TMEM244: variants seen among roughly 807,000 people sequenced by gnomAD.
TMEM244 encodes transmembrane protein 244, also known as putative transmembrane protein 244.
Under a neutral mutation model 15.8 loss-of-function variants are expected in TMEM244, and 13 were observed. The observed-to-expected ratio is 0.82, with a 90% CI of 0.53 to 1.30. The LOEUF is 1.30. TMEM244 is among the 50% of genes most tolerant of loss of function. The pLI is 0.00. For synonymous variants in TMEM244, 45 were observed against 48.7 expected (o/e 0.92, Z 0.32); for missense variants, 161 against 144.9 (o/e 1.11, Z -0.57).
At chr6:129,853,095 T>C (rs1157228071) in intron 1 of TMEM244, among the ~76,000 whole-genome samples, 2 of 152,192 alleles carry the variant, frequency 1.3e-5, no homozygotes, top group Non-Finnish European at 2.9e-5. Flanking sequence ...TCACCTCCAA[T>C]GGAGGAACTG....
Position 129,833,484 on chromosome 6 carries a change from GA to G in TMEM244, c.294del (p.Leu99PhefsTer15), listed in dbSNP as rs1403347155. On this transcript the variant is annotated frameshift_variant, in exon 4 of 5. Coordinates refer to ENST00000368143, the MANE Select transcript of TMEM244 (RefSeq NM_001010876.2). LOFTEE classifies it high-confidence loss of function. ...CCAGTTGAAGTGATGGCAACATGAA[GA>G]ATAGTGACTGAAATAGCATAATCCC... ...WVWDYAISVT[I>X]LHVAITSTVM... 1.2e-6 allele frequency: 2 copies of G among 1,612,650 alleles called. No individual in the cohort carries two copies. Among genetic ancestry groups the G allele is most frequent in the South Asian group, 1.1e-5 (1 of 90,824 alleles).
chr6:129,835,904 C>T (rs1020110543), intron 3 of TMEM244, among the ~76,000 whole-genome samples: 4 of 152,110 alleles, frequency 2.6e-5, no homozygotes, highest in Non-Finnish European at 4.4e-5. Flanking sequence ...AACAAAGAGG[C>T]CTGGAAGCAC....
chr6:129,853,520 TG>T (rs1164795577), intron 1 of TMEM244, among the ~76,000 whole-genome samples: 3 of 152,242 alleles, frequency 2.0e-5, no homozygotes, highest in East Asian at 3.9e-4. Context: ...GTCTGCAAAT[TG>T]TGCACATTTA....
chr6:129,854,719 T>G (rs1317382081), intron 1 of TMEM244, among the ~76,000 whole-genome samples: 1 of 152,170 alleles, frequency 6.6e-6, no homozygotes, highest in East Asian at 1.9e-4. Flanking sequence ...GTGGTTCTGA[T>G]TACAGCTGGT....
At position 129,831,340 on chromosome 6, in the gene TMEM244, A is replaced by T. The variant is rs780667831; in HGVS notation, c.366T>A (p.Gly122=). ...PLTSHWWAAL[G]ISKLLV is the part of the protein sequence containing the mutation. ...GAATCTAAACAAGCAATTTTGATAT[A>T]CCTAAAGCAGCCCACCAATGTGATG... is the stretch of plus-strand genomic sequence containing the variant. The change falls in exon 5 of 5, where the codon GGT becomes GGA. Residue 122 remains glycine (G), a synonymous_variant. Transcript: ENST00000368143. 244 of 1,570,488 alleles carry T rather than the reference A, an allele frequency of 1.6e-4. 1 individual carries two copies. Among genetic ancestry groups the T allele is most frequent in the Non-Finnish European group, 2.0e-4 (229 of 1,139,334 alleles).
At chr6:129,853,412 A>G (rs1278623281) in intron 1 of TMEM244, among the ~76,000 whole-genome samples, 1 of 152,106 alleles carries the variant, frequency 6.6e-6, no homozygotes, top group Non-Finnish European at 1.5e-5. Context: ...TCCGTATAAT[A>G]TTCAAACACA....
intron 3 of TMEM244, among the ~76,000 whole-genome samples, chr6:129,837,783 T>C (rs1401268221): frequency 1.3e-5 from 2 of 152,176 alleles, no homozygotes; most frequent in Non-Finnish European, 2.9e-5. Context: ...TAGTCTCTGA[T>C]ACAACAGACT....
intron 4 of TMEM244, among the ~76,000 whole-genome samples, chr6:129,832,343 C>T (rs762421165): frequency 2.4e-4 from 37 of 152,086 alleles, no homozygotes; most frequent in Non-Finnish European, 4.6e-4. Flanking sequence ...GGTGATCTGC[C>T]CACCTCAGCC....
At chr6:129,837,975 A>C (rs1776433395) in intron 3 of TMEM244, among the ~76,000 whole-genome samples, 1 of 152,258 alleles carries the variant, frequency 6.6e-6, no homozygotes, top group African/African-American at 2.4e-5. Context: ...TAATAATGGT[A>C]GACTTTAACA....
intron 1 of TMEM244, among the ~76,000 whole-genome samples, chr6:129,849,886 T>C (rs1365471400): frequency 2.0e-5 from 3 of 152,212 alleles, no homozygotes; most frequent in Non-Finnish European, 2.9e-5. Flanking sequence ...TGTGTATGTG[T>C]GCCTCCGTGC....
intron 4 of TMEM244, 111 bp downstream of exon 4, chr6:129,833,349 C>T: frequency 8.3e-7 from 1 of 1,203,498 alleles, no homozygotes. Context: ...TTTTTATCAT[C>T]TAGCTATCAT....
In TMEM244 at chr6:129,845,795, A is replaced by T. The variant is rs749003577; in HGVS notation, c.91T>A (p.Ser31Thr). The T allele has an allele frequency of 1.2e-6, 2 of 1,613,052 alleles. No homozygotes were observed. The highest frequency in any genetic ancestry group is 3.3e-5 in the Admixed American group (2 of 59,754). Reference protein sequence around the residue: ...VILFYTVYYVSLSMGCVMFEV... With the variant: ...VILFYTVYYVTLSMGCVMFEV... ...AACATCACGCAGCCCATGCTCAGGGACACATAGTACACAGTGTAGAAAAGA... is the reference window on the plus strand; with the variant it reads ...AACATCACGCAGCCCATGCTCAGGGTCACATAGTACACAGTGTAGAAAAGA... Residue 31 changes from serine (S) to threonine (T), a missense_variant, in exon 2 of 5, where the codon TCC becomes ACC. By Grantham distance (58) the Ser-to-Thr change is moderately conservative. Transcript: ENST00000368143.
At chr6:129,841,008 CTG>C (rs1776481781) in intron 3 of TMEM244, among the ~76,000 whole-genome samples, 1 of 152,198 alleles carries the variant, frequency 6.6e-6, no homozygotes, top group South Asian at 2.1e-4. Context: ...TTGCGGAAGA[CTG>C]TGTGGCGATC....
rs776782675 is a variant in TMEM244 at position 129,843,623 on chromosome 6, A to G, written c.120-20T>C. 4.2e-5 allele frequency: 67 copies of G among 1,578,418 alleles called. No homozygotes were observed. The highest frequency in any genetic ancestry group is 5.5e-5 in the Non-Finnish European group (63 of 1,150,572). ...TGCACCCTAAAGATGTTATAAGTGAAAACAGTTTACTCTGAATGAGGCAGT... is the reference window on the plus strand; with the variant it reads ...TGCACCCTAAAGATGTTATAAGTGAGAACAGTTTACTCTGAATGAGGCAGT... On this transcript the variant is annotated intron_variant, in intron 2 of 4. Transcript: ENST00000368143.
chr6:129,856,111 T>C (rs946765795), intron 1 of TMEM244, among the ~76,000 whole-genome samples: 2 of 152,146 alleles, frequency 1.3e-5, no homozygotes, highest in Non-Finnish European at 2.9e-5. Context: ...CTATGGTCTT[T>C]TTTATTTTCT....
intron 3 of TMEM244, among the ~76,000 whole-genome samples, chr6:129,834,936 T>C (rs184824660): frequency 6.6e-6 from 1 of 152,352 alleles, no homozygotes; most frequent in African/African-American, 2.4e-5. Context: ...AACTTGCAGC[T>C]GCTTGGAGAT....
intron 3 of TMEM244, among the ~76,000 whole-genome samples, chr6:129,840,516 T>C (rs558358195): frequency 6.6e-6 from 1 of 152,300 alleles, no homozygotes; most frequent in South Asian, 2.1e-4. Flanking sequence ...GAGATAGTCA[T>C]GGGCAAAGAC....
intron 1 of TMEM244, among the ~76,000 whole-genome samples, chr6:129,860,422 G>A (rs1776790266): frequency 6.6e-6 from 1 of 152,154 alleles, no homozygotes; most frequent in South Asian, 2.1e-4. Flanking sequence ...GATGACATAT[G>A]TGGTGATGAT....
At chr6:129,843,669 GAC>G in intron 2 of TMEM244, 66 bp from the exon 3 acceptor site, 1 of 1,139,944 alleles carries the variant, frequency 8.8e-7, no homozygotes, top group Non-Finnish European at 1.3e-6. Context: ...ACATCAAAGT[GAC>G]ACACGTTACT....
Sources: gnomAD v4.1 joint callset for allele counts (sites outside exome capture counted in the v4.1 genomes callset) on GRCh38, gnomAD v4.1.1 for gene constraint, MANE v1.5 for transcripts, NCBI Gene and HGNC (gene_info 2026-07-23, HGNC 2026-07-21) for gene names.